MED4: variants seen among roughly 807,000 people sequenced by gnomAD.
MED4 encodes the protein mediator of RNA polymerase II transcription subunit 4.
A neutral mutation model predicts 35.0 loss-of-function variants in MED4; 21 were observed. The ratio of observed to expected loss-of-function variants is 0.60; its 90% CI spans 0.43 to 0.86. The LOEUF is 0.86. Ranked by LOEUF, MED4 falls within the 40% of genes least tolerant of loss-of-function variation. The pLI is 0.00. For synonymous variants in MED4, 138 were observed against 114.0 expected, an observed-to-expected ratio of 1.21 and a Z score of -1.34; for missense variants, 300 against 319.4, an observed-to-expected ratio of 0.94 and a Z score of 0.46.
intron 3 of MED4, among the ~76,000 whole-genome samples, chr13:48,084,625 A>C (rs1950836245): frequency 6.6e-6 from 1 of 152,234 alleles, no homozygotes; most frequent in African/African-American, 2.4e-5. Flanking sequence ...ACAGTAATTG[A>C]AAGTCTGTTA....
intron 6 of MED4, among the ~76,000 whole-genome samples, chr13:48,078,309 A>G (rs144980157): frequency 1.1e-3 from 168 of 152,298 alleles, no homozygotes; most frequent in African/African-American, 3.7e-3. Context: ...AGCTGCCACA[A>G]TTAAGTTTTG....
At chr13:48,078,789 T>C (rs1423371453) in intron 6 of MED4, among the ~76,000 whole-genome samples, 1 of 152,178 alleles carries the variant, frequency 6.6e-6, no homozygotes, top group Non-Finnish European at 1.5e-5. Flanking sequence ...TATCCAAGGA[T>C]ATCACAGTTG....
chr13:48,094,969 A>G lies in MED4; in HGVS notation c.110T>C (p.Leu37Ser), dbSNP rs1950918604. The G allele has an allele frequency of 6.2e-7, 1 of 1,603,604 alleles. No individual in the cohort carries two copies. Among genetic ancestry groups the G allele is most frequent in the Non-Finnish European group, 8.5e-7 (1 of 1,179,758 alleles). The change falls in exon 1 of 7, where the codon TTG becomes TCG. Residue 37 changes from leucine to serine, a missense_variant. Transcript: ENST00000258648. The stretch of plus-strand genomic sequence containing the variant: ...GCCGCATTACCTAGACAGGACCTCC[A>G]AGTCCTCAAGCGCAGACAGCAGCCG... ...RERLLSALED[L>S]EVLSRELIEM...
intron 1 of MED4, among the ~76,000 whole-genome samples, chr13:48,094,599 C>T (rs1489380000): frequency 6.6e-6 from 1 of 151,952 alleles, no homozygotes; most frequent in African/African-American, 2.4e-5. Context: ...GGCCCCAAGC[C>T]AGTTTACACA....
Position 48,077,038 on chromosome 13 carries a change from A to T in MED4, c.*101T>A. 9.6e-7 allele frequency: 1 copy of T among 1,041,954 alleles called. No homozygotes were observed. 64.5% of individuals were successfully genotyped at this position (1,041,954 alleles called of 1,614,324 possible). ...CACAATTCTACCAAAGCCAGTGTTT[A>T]CCTGGGTATTTTTTGTCACCTGTAG... On this transcript the variant is annotated 3_prime_UTR_variant, in exon 7 of 7. Transcript: ENST00000258648.
Position 48,094,950 on chromosome 13 carries a change from T to C in MED4, c.125+4A>G. On this transcript the variant is annotated splice_donor_region_variant and intron_variant, in intron 1 of 6. Transcript: ENST00000258648. ...CAGCCCGGCTCTCAGGCTCGCCGCA[T>C]TACCTAGACAGGACCTCCAAGTCCT... 6.2e-7 allele frequency: 1 copy of C among 1,602,246 alleles called. No homozygotes were observed. The highest frequency in any genetic ancestry group is 8.5e-7 in the Non-Finnish European group (1 of 1,179,370).
intron 1 of MED4, among the ~76,000 whole-genome samples, chr13:48,091,614 A>C (rs1950890555): frequency 6.6e-6 from 1 of 152,202 alleles, no homozygotes; most frequent in Admixed American, 6.5e-5. Flanking sequence ...ATAAGAATGC[A>C]AAGTCTTCAT....
chr13:48,078,334 A>G (rs1477585084), intron 6 of MED4, among the ~76,000 whole-genome samples: 2 of 152,216 alleles, frequency 1.3e-5, no homozygotes, highest in East Asian at 3.8e-4. Flanking sequence ...TAGAGGGCAC[A>G]GGTGGGACTC....
chr13:48,080,100 A>G (rs1950793821), intron 5 of MED4, 125 bp from the exon 6 acceptor site: 3 of 1,109,580 alleles, frequency 2.7e-6, no homozygotes, highest in Non-Finnish European at 2.5e-6. Flanking sequence ...CAATTTTGAA[A>G]TACAGAAGTC....
intron 1 of MED4, among the ~76,000 whole-genome samples, 155 bp from the exon 2 acceptor site, chr13:48,090,573 C>T (rs1360994262): frequency 6.6e-6 from 1 of 152,184 alleles, no homozygotes; most frequent in Non-Finnish European, 1.5e-5. Context: ...CTACTTAATA[C>T]TATCATTATA....
chr13:48,079,994 C>A lies in MED4; in HGVS notation c.509-19G>T. The A allele has an allele frequency of 1.9e-6, 3 of 1,606,162 alleles. No individual in the cohort carries two copies. Among genetic ancestry groups the A allele is most frequent in the Non-Finnish European group, 2.5e-6 (3 of 1,176,504 alleles). On this transcript the variant is annotated intron_variant, in intron 5 of 6. Coordinates refer to ENST00000258648, the MANE Select transcript of MED4 (RefSeq NM_014166.4). Reference sequence around the variant, plus strand: ...GGGTCCCCTAAAACAATAAAGACTGCATTTAATTCAATCATATTTTAAAAA... The same window carrying A: ...GGGTCCCCTAAAACAATAAAGACTGAATTTAATTCAATCATATTTTAAAAA...
At chr13:48,081,118 C>A (rs993342011) in intron 5 of MED4, among the ~76,000 whole-genome samples, 10 of 152,238 alleles carry the variant, frequency 6.6e-5, no homozygotes, top group Non-Finnish European at 1.5e-4. Context: ...AGGCTGCTAC[C>A]TTACGTCTCC....
rs561550639 is a variant in MED4 at position 48,081,726 on chromosome 13, T to C, written c.427A>G (p.Ile143Val). Residue 143 changes from isoleucine (I) to valine (V), a missense_variant, in exon 5 of 7, where the codon ATC becomes GTC. By Grantham distance (29) the Ile-to-Val change is conservative. Coordinates refer to ENST00000258648, the MANE Select transcript of MED4 (RefSeq NM_014166.4). Reference sequence around the variant, plus strand: ...TACTTAATTATTTCTTCAGAGGAGATAGCACCTGAAAGAGTTTTAAGAGGA... The same window carrying C: ...TACTTAATTATTTCTTCAGAGGAGACAGCACCTGAAAGAGTTTTAAGAGGA... The part of the protein sequence containing the change: ...KSIEKARKGA[I>V]SSEEIIKYAH... The C allele has an allele frequency of 4.8e-4, 766 of 1,608,000 alleles. 12 individuals carry two copies. In the South Asian group the frequency reaches 7.8e-3, roughly 16 times the overall value.
intron 3 of MED4, 48 bp from the exon 4 acceptor site, chr13:48,083,476 C>A: frequency 6.5e-7 from 1 of 1,527,836 alleles, no homozygotes; most frequent in Admixed American, 1.8e-5. Context: ...TCAACTATAT[C>A]AAACTTAGTT....
At chr13:48,087,141 G>C (rs769920902) in intron 2 of MED4, among the ~76,000 whole-genome samples, 5 of 151,494 alleles carry the variant, frequency 3.3e-5, no homozygotes, top group African/African-American at 4.9e-5. Context: ...CGAGGCAGGC[G>C]AATCACCAGA....
At chr13:48,088,150 C>T (rs1027442187) in intron 2 of MED4, among the ~76,000 whole-genome samples, 6 of 152,208 alleles carry the variant, frequency 3.9e-5, no homozygotes, top group African/African-American at 1.2e-4. Context: ...CTAGTTATTA[C>T]GATCACTACC....
At chr13:48,083,689 TTCTTCACG>T (rs1267920927) in intron 3 of MED4, among the ~76,000 whole-genome samples, 4 of 152,236 alleles carry the variant, frequency 2.6e-5, no homozygotes, top group African/African-American at 9.6e-5. Context: ...GATTGTCTTT[TTCTTCACG>T]TCTTCTACCA....
chr13:48,085,371 C>G (rs554739859), intron 3 of MED4, among the ~76,000 whole-genome samples: 3 of 152,218 alleles, frequency 2.0e-5, no homozygotes, highest in African/African-American at 7.2e-5. Context: ...CAGGGTTTCA[C>G]TATGTTGGCC....
At chr13:48,083,941 T>C (rs1328129944) in intron 3 of MED4, among the ~76,000 whole-genome samples, 1 of 152,114 alleles carries the variant, frequency 6.6e-6, no homozygotes, top group Non-Finnish European at 1.5e-5. Flanking sequence ...TATATGCATA[T>C]CTTCGACTAT....
Sources: allele counts gnomAD v4.1 joint callset (sites outside exome capture counted in the v4.1 genomes callset), GRCh38; gene constraint gnomAD v4.1.1; transcripts MANE v1.5; gene names NCBI Gene and HGNC (gene_info 2026-07-23, HGNC 2026-07-21).